The following ZNF765 variants were observed in gnomAD, a reference collection of about 807,000 sequenced individuals.
ZNF765 encodes the protein zinc finger protein 765.
Under a neutral mutation model 44.7 loss-of-function variants are expected in ZNF765, and 37 were observed. The ratio of observed to expected loss-of-function variants is 0.83; its 90% CI spans 0.64 to 1.09. ZNF765 has a LOEUF of 1.09. ZNF765 is among the 50% of genes least tolerant of loss of function. The pLI, the probability that ZNF765 is intolerant of heterozygous loss-of-function variation, is 0.00. For synonymous variants in ZNF765, 201 were observed against 213.7 expected (o/e 0.94, Z 0.52); for missense variants, 594 against 626.1 (o/e 0.95, Z 0.55).
intron 2 of ZNF765, among the ~76,000 whole-genome samples, chr19:53,400,478 A>G (rs1342422235): frequency 6.6e-6 from 1 of 151,990 alleles, no homozygotes; most frequent in Non-Finnish European, 1.5e-5. Flanking sequence ...TAGATCTGAC[A>G]AGATTCCCCC....
chr19:53,424,856 G>A (rs1191731863), exon 4 of ZNF765: 1 of 151,978 alleles, frequency 6.6e-6, no homozygotes, highest in African/African-American at 2.4e-5. Flanking sequence ...TAGAGACGGG[G>A]TTTCACCATG....
intron 3 of ZNF765, among the ~76,000 whole-genome samples, chr19:53,407,459 T>G (rs1182981209): frequency 6.6e-6 from 1 of 152,170 alleles, no homozygotes; most frequent in East Asian, 1.9e-4. Flanking sequence ...GGCTACACGT[T>G]TTTGTGCCCT....
chr19:53,398,092 G>A, intron 2 of ZNF765, 62 bp downstream of exon 2: 1 of 1,613,210 alleles, frequency 6.2e-7, no homozygotes, highest in South Asian at 1.1e-5. Flanking sequence ...TGACCTTGGA[G>A]TTTGGAATCT....
At chr19:53,397,002 T>G (rs1454853568) in intron 1 of ZNF765, among the ~76,000 whole-genome samples, 7 of 152,356 alleles carry the variant, frequency 4.6e-5, no homozygotes, top group Admixed American at 4.6e-4. Context: ...TAAGGGAGTA[T>G]TAAACCAATT....
intron 3 of ZNF765, among the ~76,000 whole-genome samples, chr19:53,405,376 A>G: frequency 6.6e-6 from 1 of 152,024 alleles, no homozygotes; most frequent in East Asian, 1.9e-4. Context: ...ATGCCACTAC[A>G]CTCCAGCATG....
At chr19:53,418,930 A>G (rs1439011759) in intron 3 of ZNF765, among the ~76,000 whole-genome samples, 1 of 148,154 alleles carries the variant, frequency 6.7e-6, no homozygotes, top group African/African-American at 2.6e-5. Flanking sequence ...AAAAAAAAAA[A>G]AGTCCAGATA....
In ZNF765 at chr19:53,410,926, A is replaced by C; in HGVS notation, c.*1799A>C. On this transcript the variant is annotated 3_prime_UTR_variant, in exon 4 of 4. Transcript: ENST00000396408. ...ATGCATACTGGACAGAAATCTTATAAATGTCATCAGTGTGCCAAAGTCTTC... is the reference window on the plus strand; with the variant it reads ...ATGCATACTGGACAGAAATCTTATACATGTCATCAGTGTGCCAAAGTCTTC... 1 of 429,240 alleles carries C rather than the reference A, an allele frequency of 2.3e-6. No individual in the cohort carries two copies. Among genetic ancestry groups the C allele is most frequent in the Non-Finnish European group, 4.7e-6 (1 of 211,246 alleles). 26.6% of individuals were successfully genotyped at this position (429,240 alleles called of 1,614,324 possible).
chr19:53,413,930 C>CAAAAAAAAAAAAAAAAAAAAAAA (rs386389261), downstream of ZNF765, among the ~76,000 whole-genome samples: 1 of 79,804 alleles, frequency 1.3e-5, no homozygotes, highest in Non-Finnish European at 2.2e-5. Flanking sequence ...GCTAGAAAGA[C>CAAAAAAAAAAAAAAAAAAAAAAA]AAAAAAAAAA....
Position 53,403,104 on chromosome 19 carries a change from A to G in ZNF765, c.142+913A>G, listed in dbSNP as rs530903306. Among the ~76,000 whole-genome samples the G allele has an allele frequency of 7.2e-5, 11 of 152,054 alleles. No homozygotes were observed. The East Asian group carries it at 2.1e-3, about 30-fold the overall frequency. Reference sequence around the variant, plus strand: ...CATGAACCTGGGAGTCAGAGGTTGCAGTGAGCCAAGATTGCCACTGCACTC... The same window carrying G: ...CATGAACCTGGGAGTCAGAGGTTGCGGTGAGCCAAGATTGCCACTGCACTC... On this transcript the variant is annotated intron_variant, in intron 3 of 3. Coordinates refer to ENST00000396408, the MANE Select transcript of ZNF765 (RefSeq NM_001040185.3).
Position 53,418,910 on chromosome 19 carries a change from GAAAAAAAA to G in ZNF765, c.143-4138_143-4131del, listed in dbSNP as rs34443506. ...TAAGAGCGAAACTCCGTTGTGGGAG[GAAAAAAAA>G]AAAAAAAAAAAAAGTCCAGATAAGT... On this transcript the variant is annotated intron_variant, in intron 3 of 3. Coordinates refer to the ZNF765 transcript ENST00000594030. Among the ~76,000 whole-genome samples, 2 of 96,856 alleles carry G rather than the reference GAAAAAAAA, an allele frequency of 2.1e-5. 1 individual carries two copies. Among genetic ancestry groups the G allele is most frequent in the Admixed American group, 2.8e-4 (2 of 7,260 alleles). The allele number at this position is 96,856 out of a possible 152,430, so 63.5% of individuals were successfully genotyped here. A position where few individuals can be genotyped will look rare whatever the true frequency, so the allele number is the denominator to read the frequency against.
intron 3 of ZNF765, among the ~76,000 whole-genome samples, chr19:53,420,021 A>C (rs1454331547): frequency 1.3e-5 from 2 of 151,266 alleles, no homozygotes; most frequent in African/African-American, 4.9e-5. Flanking sequence ...ATTCCGTCTC[A>C]AAAATAATAA....
At chr19:53,395,823 C>G (rs1179675234) in intron 1 of ZNF765, among the ~76,000 whole-genome samples, 1 of 152,162 alleles carries the variant, frequency 6.6e-6, no homozygotes, top group African/African-American at 2.4e-5. Flanking sequence ...GCGTTTTGCT[C>G]CAAACCCTCC....
chr19:53,409,258 C>T lies in ZNF765; in HGVS notation c.*131C>T. ...TTTCAAATCAAACCTTGAAATACATCAGAAAATTCGTACTGAAGAGAATCT... is the reference window on the plus strand; with the variant it reads ...TTTCAAATCAAACCTTGAAATACATTAGAAAATTCGTACTGAAGAGAATCT... On this transcript the variant is annotated 3_prime_UTR_variant, in exon 4 of 4. Transcript: ENST00000396408. The T allele has an allele frequency of 1.8e-6, 2 of 1,085,940 alleles. No individual in the cohort carries two copies. The highest frequency in any genetic ancestry group is 1.3e-5 in the South Asian group (1 of 79,210). 67.3% of individuals were successfully genotyped at this position (1,085,940 alleles called of 1,614,324 possible).
At position 53,408,322 on chromosome 19, in the gene ZNF765, G is replaced by A. The variant is rs749783961; in HGVS notation, c.767G>A (p.Arg256Gln). ...DICGKVFNSK[R>Q]YVARHRRCHT... ...TGTGGCAAGGTCTTTAATTCGAAGC[G>A]ATACGTTGCACGCCATCGTAGATGT... Residue 256 changes from arginine to glutamine, a missense_variant, in exon 4 of 4, where the codon CGA becomes CAA. This residue lies in a region of ZNF765 where 567 missense variants were observed against 572.6 expected (regional missense o/e 0.99). Transcript: ENST00000396408. 3.1e-5 allele frequency: 50 copies of A among 1,614,162 alleles called. No homozygotes were observed. In the East Asian group the frequency reaches 7.6e-4, roughly 24 times the overall value.
chr19:53,395,862 G>A (rs2085662925), intron 1 of ZNF765, among the ~76,000 whole-genome samples: 1 of 152,200 alleles, frequency 6.6e-6, no homozygotes, highest in Non-Finnish European at 1.5e-5. Context: ...TCCGGTGCTT[G>A]TGTAGGCTAA....
chr19:53,412,966 T>C (rs1423467263), downstream of ZNF765, among the ~76,000 whole-genome samples: 1 of 152,106 alleles, frequency 6.6e-6, no homozygotes, highest in South Asian at 2.1e-4. Flanking sequence ...AAAAATTAAC[T>C]GGGTATGGTG....
At chr19:53,398,434 A>C (rs1411115575) in intron 2 of ZNF765, among the ~76,000 whole-genome samples, 1 of 152,196 alleles carries the variant, frequency 6.6e-6, no homozygotes, top group Non-Finnish European at 1.5e-5. Flanking sequence ...AATTCTAGAA[A>C]AGGTGACCAA....
rs2085824264 is a variant in ZNF765 at position 53,410,573 on chromosome 19, G to C, written c.*1446G>C. 2.3e-6 allele frequency: 1 copy of C among 441,564 alleles called. No individual in the cohort carries two copies. The highest frequency in any genetic ancestry group is 2.0e-5 in the African/African-American group (1 of 49,116). The allele number at this position is 441,564 out of a possible 1,614,324, so 27.4% of individuals were successfully genotyped here. A position where few individuals can be genotyped will look rare whatever the true frequency, so the allele number is the denominator to read the frequency against. On this transcript the variant is annotated 3_prime_UTR_variant, in exon 4 of 4. Transcript: ENST00000396408. Reference sequence around the variant, plus strand: ...CTTGTTTACCATCAGGCAATCCATGGTGTAGGGAAACTTTACTTATGTAAT... The same window carrying C: ...CTTGTTTACCATCAGGCAATCCATGCTGTAGGGAAACTTTACTTATGTAAT...
intron 3 of ZNF765, among the ~76,000 whole-genome samples, chr19:53,417,533 TG>T (rs2147105754): frequency 6.6e-6 from 1 of 152,344 alleles, no homozygotes; most frequent in East Asian, 1.9e-4. Context: ...CCATGGGTGA[TG>T]GGCATTTTGG....
Sources: allele counts gnomAD v4.1 joint callset (sites outside exome capture counted in the v4.1 genomes callset), GRCh38; gene constraint gnomAD v4.1.1; regional missense constraint gnomAD v4.1.1; transcripts MANE v1.5; gene names NCBI Gene and HGNC (gene_info 2026-07-23, HGNC 2026-07-21).